The following CENPU variants were observed in gnomAD, a reference collection of about 807,000 sequenced individuals.
CENPU encodes centromere protein U, also known as KSHV latent nuclear antigen interacting protein 1.
A neutral mutation model predicts 56.7 loss-of-function variants in CENPU; 46 were observed. The observed-to-expected ratio is 0.81, with a 90% CI of 0.64 to 1.04. The LOEUF (loss-of-function observed/expected upper bound fraction) is 1.04. Among genes scored for constraint, CENPU ranks in the 50% least tolerant of loss-of-function variants. The probability of loss-of-function intolerance (pLI) is 0.00; values close to 1 mark genes in which losing one functional copy is unlikely to be tolerated. For synonymous variants in CENPU, 166 were observed against 163.0 expected, an observed-to-expected ratio of 1.02 and a Z score of -0.14; for missense variants, 510 against 490.1, an observed-to-expected ratio of 1.04 and a Z score of -0.38.
chr4:184,719,925 G>C (rs1011062300), intron 4 of CENPU, among the ~76,000 whole-genome samples: 20 of 152,108 alleles, frequency 1.3e-4, no homozygotes, highest in African/African-American at 2.4e-5. Flanking sequence ...AACAAGCCCA[G>C]ACTCCAATGA....
At chr4:184,728,377 C>G (rs536076671) in intron 3 of CENPU, among the ~76,000 whole-genome samples, 33 of 152,264 alleles carry the variant, frequency 2.2e-4, no homozygotes, top group Non-Finnish European at 4.0e-4. Flanking sequence ...GATGTGGGGA[C>G]ACATGGCATT....
intron 8 of CENPU, among the ~76,000 whole-genome samples, chr4:184,705,451 C>A (rs55674580): frequency 6.6e-6 from 1 of 151,898 alleles, no homozygotes; most frequent in Admixed American, 6.6e-5. Context: ...ATGAAGACAG[C>A]GGGGGCACGA....
At chr4:184,716,698 A>G (rs1236893815) in intron 5 of CENPU, 65 bp from the exon 6 acceptor site, 2 of 1,239,504 alleles carry the variant, frequency 1.6e-6, no homozygotes, top group African/African-American at 1.5e-5. Context: ...TCTTACTGTA[A>G]TAGTAGAAAA....
intron 1 of CENPU, among the ~76,000 whole-genome samples, chr4:184,733,021 CGTAA>C (rs1210937537): frequency 6.7e-6 from 1 of 149,548 alleles, no homozygotes; most frequent in Non-Finnish European, 1.5e-5. Context: ...GTTGTATGTG[CGTAA>C]GTGTGTTTTG....
intron 8 of CENPU, 69 bp from the exon 9 acceptor site, chr4:184,702,510 TACAA>T (rs1235579873): frequency 1.9e-5 from 22 of 1,135,006 alleles, no homozygotes; most frequent in East Asian, 2.4e-5. Context: ...TTGCTTAGCA[TACAA>T]ACAAACATAC....
At chr4:184,710,593 G>T (rs1760889751) in intron 7 of CENPU, among the ~76,000 whole-genome samples, 1 of 152,090 alleles carries the variant, frequency 6.6e-6, no homozygotes, top group Admixed American at 6.5e-5. Context: ...TTAAATAATT[G>T]TAGTAATATA....
chr4:184,696,631 C>A (rs10013685), intron 12 of CENPU, among the ~76,000 whole-genome samples: 1 of 151,432 alleles, frequency 6.6e-6, no homozygotes, highest in Non-Finnish European at 1.5e-5. Context: ...GTGTCAAAAC[C>A]TTAACATTGA....
chr4:184,700,869 T>C lies in CENPU; in HGVS notation c.937A>G (p.Ile313Val), dbSNP rs1760511462. ...ATCATACGCTGCCTTTTCTTTTCGA[T>C]ATCTGAAATCATCTAAGTAACACAA... ...KRKNAKMISD[I>V]EKKRQRMIEV... Residue 313 changes from isoleucine to valine, a missense_variant, in exon 11 of 13, where the codon ATC becomes GTC. Physicochemically the swap from Ile to Val is conservative, Grantham distance 29. Transcript: ENST00000281453. The C allele has an allele frequency of 2.5e-6, 4 of 1,612,940 alleles. No homozygotes were observed. The highest frequency in any genetic ancestry group is 1.1e-5 in the South Asian group (1 of 91,068).
At position 184,694,473 on chromosome 4, in the gene CENPU, GTAAA is replaced by G. The variant is rs1433385390; in HGVS notation, c.*811_*814del. 6.3e-7 allele frequency: 1 copy of G among 1,580,918 alleles called. No homozygotes were observed. ...TATAAGGTTAAATCACATATCCTGA[GTAAA>G]TATTTTCCTATCCCACTCTCTATCC... is the stretch of plus-strand genomic sequence containing the variant. On this transcript the variant is annotated 3_prime_UTR_variant, in exon 13 of 13. Coordinates refer to ENST00000281453, the MANE Select transcript of CENPU (RefSeq NM_024629.4).
At chr4:184,702,528 T>C (rs1473570990) in intron 8 of CENPU, 87 bp from the exon 9 acceptor site, 8 of 868,486 alleles carry the variant, frequency 9.2e-6, no homozygotes, top group African/African-American at 5.2e-5. Context: ...AACATACACA[T>C]ACAATTTGGC....
intron 11 of CENPU, among the ~76,000 whole-genome samples, chr4:184,699,039 C>T (rs1019502223): frequency 1.3e-5 from 2 of 152,066 alleles, no homozygotes; most frequent in South Asian, 2.1e-4. Flanking sequence ...CTTTAAAACA[C>T]GTCTCAGGCT....
intron 8 of CENPU, among the ~76,000 whole-genome samples, chr4:184,709,181 A>C (rs373976067): frequency 1.3e-5 from 2 of 152,134 alleles, no homozygotes; most frequent in African/African-American, 4.8e-5. Flanking sequence ...TTGGAAGTAA[A>C]AGAAATTAAA....
intron 7 of CENPU, among the ~76,000 whole-genome samples, chr4:184,712,105 GCAAGACT>G (rs1411723245): frequency 6.2e-5 from 8 of 128,176 alleles, no homozygotes; most frequent in Admixed American, 4.4e-4. Flanking sequence ...TGGCAACAGA[GCAAGACT>G]CAGTCTCAAA....
chr4:184,715,077 T>C (rs1761045093), intron 6 of CENPU, among the ~76,000 whole-genome samples: 1 of 152,214 alleles, frequency 6.6e-6, no homozygotes, highest in African/African-American at 2.4e-5. Context: ...AAAATTCATA[T>C]TTGTTTACAT....
At chr4:184,726,974 TGGGG>T (rs56330358) in intron 3 of CENPU, among the ~76,000 whole-genome samples, 2 of 93,116 alleles carry the variant, frequency 2.1e-5, no homozygotes, top group African/African-American at 8.3e-5. Context: ...TCCTGGGGGG[TGGGG>T]GGGGGGGGCG....
At chr4:184,722,576 T>G (rs1761316083) in intron 4 of CENPU, among the ~76,000 whole-genome samples, 1 of 151,880 alleles carries the variant, frequency 6.6e-6, no homozygotes, top group South Asian at 2.1e-4. Flanking sequence ...TCAAAATCCC[T>G]AAATGCTAAA....
rs549469972 is a variant in CENPU, at chr4:184,717,323, C to A, written c.321-127G>T. ...GAGGAAATATCCTATTTGTCACATA[C>A]AAGTCTGCCACCTTCCTGGGTTTAC... On this transcript the variant is annotated intron_variant, in intron 4 of 12. Coordinates refer to ENST00000281453, the MANE Select transcript of CENPU (RefSeq NM_024629.4). The A allele has an allele frequency of 4.5e-5, 31 of 686,504 alleles. No homozygotes were observed. The South Asian group carries it at 5.7e-4, about 13-fold the overall frequency. The allele number at this position is 686,504 out of a possible 1,614,324, so 42.5% of individuals were successfully genotyped here.
chr4:184,723,958 A>G (rs113345596), intron 4 of CENPU, among the ~76,000 whole-genome samples: 6,423 of 151,272 alleles, frequency 0.042, 437 homozygotes, highest in African/African-American at 0.15. Context: ...CCCAGCTGGG[A>G]TATTTGTTTT....
intron 4 of CENPU, 82 bp from the exon 5 acceptor site, chr4:184,717,278 GA>G: frequency 1.0e-6 from 1 of 981,718 alleles, no homozygotes; most frequent in South Asian, 1.5e-5. Context: ...CATTCAACAT[GA>G]AAACAGACTC....
Sources: gnomAD v4.1 joint callset for allele counts (sites outside exome capture counted in the v4.1 genomes callset) on GRCh38, gnomAD v4.1.1 for gene constraint, MANE v1.5 for transcripts, NCBI Gene and HGNC (gene_info 2026-07-23, HGNC 2026-07-21) for gene names.